Variants in SHISA9 observed in about 807,000 individuals in gnomAD.
The protein encoded by SHISA9 is protein shisa-9.
In SHISA9, 13 loss-of-function variants were observed where a neutral mutation model predicts 38.0. The ratio of observed to expected loss-of-function variants is 0.34; its 90% CI spans 0.22 to 0.54. The LOEUF (loss-of-function observed/expected upper bound fraction) is 0.54, where lower values mean the gene tolerates loss of function less well. Ranked by LOEUF, SHISA9 falls within the 20% of genes least tolerant of loss-of-function variation. SHISA9 has a pLI of 0.91. For synonymous variants in SHISA9, 275 were observed against 242.0 expected, an observed-to-expected ratio of 1.14 and a Z score of -1.27; for missense variants, 538 against 575.8, an observed-to-expected ratio of 0.93 and a Z score of 0.67.
In SHISA9 at chr16:13,171,218, T is replaced by C. The variant is rs2050683025; in HGVS notation, c.692-32176T>C. ...GAACTCATTAAGGTGGTGGAGAGGG[T>C]ACCAAGCCATTCATGAGGGATCCAC... On this transcript the variant is annotated intron_variant, in intron 2 of 4. Coordinates refer to ENST00000558583, the MANE Select transcript of SHISA9 (RefSeq NM_001145204.3). Among the ~76,000 whole-genome samples, 4 of 152,074 alleles carry C rather than the reference T, an allele frequency of 2.6e-5. No homozygotes were observed. In the South Asian group the frequency reaches 8.3e-4, roughly 32 times the overall value.
At chr16:13,205,502 C>T (rs2051055310) in intron 3 of SHISA9, among the ~76,000 whole-genome samples, 1 of 152,212 alleles carries the variant, frequency 6.6e-6, no homozygotes, top group South Asian at 2.1e-4. Context: ...GAGTTCAAAT[C>T]CTGGCTCTAC....
chr16:13,342,711 C>T, the SHISA9 span, among the ~76,000 whole-genome samples: 2 of 152,198 alleles, frequency 1.3e-5, no homozygotes, highest in African/African-American at 4.8e-5. Flanking sequence ...ATTCGGTAGT[C>T]CCTTTCTCTT....
At chr16:13,354,251 A>G in the SHISA9 span, among the ~76,000 whole-genome samples, 31,074 of 49,110 alleles carry the variant, frequency 0.63, 11,263 homozygotes, top group East Asian at 0.91. Flanking sequence ...TCTAAGAGGC[A>G]GGCTAGTGGC....
Position 13,240,240 on chromosome 16 carries a change from C to T in SHISA9, c.*4831C>T, listed in dbSNP as rs569899947. On this transcript the variant is annotated 3_prime_UTR_variant, in exon 5 of 5. Coordinates refer to ENST00000558583, the MANE Select transcript of SHISA9 (RefSeq NM_001145204.3). ...AATATTTTAGTAACCGTATGTTCTG[C>T]AAGTAAACCTGTGTTAATACTTGTC... 1 of 152,322 alleles carries T rather than the reference C, an allele frequency of 6.6e-6. No homozygotes were observed. Among genetic ancestry groups the T allele is most frequent in the Admixed American group, 6.5e-5 (1 of 15,294 alleles). 9.4% of individuals were successfully genotyped at this position (152,322 alleles called of 1,614,324 possible). A position where few individuals can be genotyped will look rare whatever the true frequency, so the allele number is the denominator to read the frequency against.
the SHISA9 span, among the ~76,000 whole-genome samples, chr16:13,412,974 T>C: frequency 6.6e-6 from 1 of 151,744 alleles, no homozygotes; most frequent in Non-Finnish European, 1.5e-5. Context: ...AATAAATAAA[T>C]AAATAAAGGA....
intron 2 of SHISA9, among the ~76,000 whole-genome samples, chr16:13,093,403 T>G (rs533378562): frequency 2.2e-4 from 34 of 152,310 alleles, no homozygotes; most frequent in Non-Finnish European, 4.0e-4. Flanking sequence ...AAGACTTATC[T>G]TGCAGGGATT....
At chr16:12,934,339 A>T (rs2060244683) in intron 2 of SHISA9, among the ~76,000 whole-genome samples, 1 of 152,214 alleles carries the variant, frequency 6.6e-6, no homozygotes, top group African/African-American at 2.4e-5. Flanking sequence ...TTCCCAGTGG[A>T]TGCTCCATTG....
At chr16:13,456,049 T>A in the SHISA9 span, among the ~76,000 whole-genome samples, 5 of 152,226 alleles carry the variant, frequency 3.3e-5, no homozygotes, top group Admixed American at 2.0e-4. Context: ...AAACAAATGC[T>A]GTTCTCCATT....
At chr16:13,321,639 G>A in the SHISA9 span, among the ~76,000 whole-genome samples, 1 of 152,214 alleles carries the variant, frequency 6.6e-6, no homozygotes, top group Non-Finnish European at 1.5e-5. Flanking sequence ...ATGAGTTTAT[G>A]TGTTGCATAT....
chr16:12,999,383 A>G (rs1031991970), intron 2 of SHISA9, among the ~76,000 whole-genome samples: 1 of 152,190 alleles, frequency 6.6e-6, no homozygotes, highest in African/African-American at 2.4e-5. Flanking sequence ...TGTGTGGTTC[A>G]GACTTTTTTC....
the SHISA9 span, among the ~76,000 whole-genome samples, chr16:13,427,082 C>G: frequency 6.6e-6 from 1 of 152,180 alleles, no homozygotes; most frequent in Non-Finnish European, 1.5e-5. Flanking sequence ...AGGAACTTTC[C>G]TAATTGGTAT....
intron 2 of SHISA9, among the ~76,000 whole-genome samples, chr16:12,960,893 G>C (rs1329510304): frequency 6.6e-6 from 1 of 152,082 alleles, no homozygotes; most frequent in Non-Finnish European, 1.5e-5. Flanking sequence ...ATAGGCTTTG[G>C]GGACTCAGTG....
the SHISA9 span, among the ~76,000 whole-genome samples, chr16:13,559,970 T>G: frequency 3.5e-4 from 54 of 152,300 alleles, no homozygotes; most frequent in East Asian, 9.5e-3. Flanking sequence ...AAAGAGGAAC[T>G]CTGTTTATCA....
the SHISA9 span, among the ~76,000 whole-genome samples, chr16:13,462,886 C>T: frequency 1.3e-5 from 2 of 151,872 alleles, no homozygotes; most frequent in East Asian, 1.9e-4. Flanking sequence ...CACTTGAACC[C>T]GGGAGGCAGA....
chr16:13,181,251 T>G (rs1480939121), intron 2 of SHISA9, among the ~76,000 whole-genome samples: 1 of 137,018 alleles, frequency 7.3e-6, no homozygotes, highest in Non-Finnish European at 1.6e-5. Flanking sequence ...AAGAAAGTCT[T>G]TCCTAAAATA....
At chr16:13,209,636 A>C (rs995554976) in intron 3 of SHISA9, among the ~76,000 whole-genome samples, 3 of 152,220 alleles carry the variant, frequency 2.0e-5, no homozygotes, top group African/African-American at 7.2e-5. Flanking sequence ...AACATTTCCC[A>C]CCAATGTTGA....
intron 1 of SHISA9, chr16:12,908,938 A>C (rs1398594870): frequency 9.9e-7 from 1 of 1,007,960 alleles, no homozygotes; most frequent in East Asian, 1.0e-4. Flanking sequence ...TGTGTTTTTA[A>C]AACATGCTTC....
intron 2 of SHISA9, among the ~76,000 whole-genome samples, chr16:13,098,720 T>C (rs1027035980): frequency 6.6e-6 from 1 of 152,220 alleles, no homozygotes; most frequent in East Asian, 1.9e-4. Context: ...ACTCTGTGCA[T>C]GTGGCTGTTG....
At chr16:13,086,435 A>G (rs2073711893) in intron 2 of SHISA9, among the ~76,000 whole-genome samples, 1 of 151,816 alleles carries the variant, frequency 6.6e-6, no homozygotes, top group Non-Finnish European at 1.5e-5. Context: ...AACAAATCAG[A>G]TATAGCTTCA....
Sources: gnomAD v4.1 joint callset for allele counts (sites outside exome capture counted in the v4.1 genomes callset) on GRCh38, gnomAD v4.1.1 for gene constraint, MANE v1.5 for transcripts, NCBI Gene and HGNC (gene_info 2026-07-23, HGNC 2026-07-21) for gene names.